KLRG1: variants seen among roughly 807,000 people sequenced by gnomAD.
The protein encoded by KLRG1 is killer cell lectin like receptor G1, also known as killer cell lectin-like receptor subfamily G member 1.
KLRG1 carries 16 observed loss-of-function variants against 21.8 expected under a neutral mutation model. That is an observed-to-expected ratio of 0.73 (90% CI 0.50 to 1.11). The LOEUF is 1.11. KLRG1 is among the 50% of genes most tolerant of loss of function. The probability of loss-of-function intolerance (pLI) is 0.00; values close to 1 mark genes in which losing one functional copy is unlikely to be tolerated. For synonymous variants in KLRG1, 69 were observed against 75.9 expected, an observed-to-expected ratio of 0.91 and a Z score of 0.47; for missense variants, 173 against 218.3, an observed-to-expected ratio of 0.79 and a Z score of 1.31.
chr12:9,160,458 G>A, the KLRG1 span: 103 of 1,613,702 alleles, frequency 6.4e-5, no homozygotes, highest in African/African-American at 1.3e-3. Flanking sequence ...AGGAGATTTT[G>A]TATATTTTGC....
chr12:9,006,018 A>G (rs747693648), intron 3 of KLRG1, among the ~76,000 whole-genome samples: 24 of 152,352 alleles, frequency 1.6e-4, no homozygotes, highest in African/African-American at 3.1e-4. Flanking sequence ...CCCTTGTTCT[A>G]TAGCACTGCA....
rs762355749 is a variant in KLRG1 at position 8,980,430 on chromosome 12, T to G, written c.-155-11776T>G. On this transcript the variant is annotated intron_variant, in intron 1 of 4. Transcript: ENST00000539240. The stretch of plus-strand genomic sequence containing the variant: ...GTTTGGTTACTGGAAATCTATTGCG[T>G]TTTTTGGTGATGTCATATTTTCTTA... 3.9e-5 allele frequency among the ~76,000 whole-genome samples: 6 copies of G among 152,216 alleles called. No homozygotes were observed. In the South Asian group the frequency reaches 1.2e-3, roughly 32 times the overall value.
intron 1 of KLRG1, among the ~76,000 whole-genome samples, chr12:8,972,914 G>A (rs1946594324): frequency 6.6e-6 from 1 of 152,068 alleles, no homozygotes; most frequent in Non-Finnish European, 1.5e-5. Context: ...GCCCAGGTGG[G>A]TGGATCACCT....
chr12:9,019,304 T>C, the KLRG1 span, among the ~76,000 whole-genome samples: 228 of 152,316 alleles, frequency 1.5e-3, no homozygotes, highest in African/African-American at 5.1e-3. Context: ...AAGGGAACCC[T>C]CATACACTGT....
the KLRG1 span, among the ~76,000 whole-genome samples, chr12:9,211,821 G>C: frequency 2.6e-5 from 4 of 152,200 alleles, no homozygotes; most frequent in African/African-American, 9.7e-5. Flanking sequence ...GTCAACTGGA[G>C]GTAGAGCCAG....
the KLRG1 span, among the ~76,000 whole-genome samples, chr12:9,042,808 A>G: frequency 2.5e-3 from 384 of 152,324 alleles, 3 homozygotes; most frequent in African/African-American, 8.9e-3. Context: ...ACCAGCAAAT[A>G]TGGGCAATGT....
chr12:9,092,027 C>T, the KLRG1 span, among the ~76,000 whole-genome samples: 1 of 152,196 alleles, frequency 6.6e-6, no homozygotes, highest in Non-Finnish European at 1.5e-5. Flanking sequence ...TAGCTAACAG[C>T]TCCCAGTTTC....
the KLRG1 span, among the ~76,000 whole-genome samples, chr12:9,186,234 C>T: frequency 6.6e-6 from 1 of 152,234 alleles, no homozygotes; most frequent in Non-Finnish European, 1.5e-5. Flanking sequence ...CCACCAGATC[C>T]AACTTGCAAG....
the KLRG1 span, among the ~76,000 whole-genome samples, chr12:9,061,914 AC>A: frequency 2.1e-4 from 32 of 152,002 alleles, no homozygotes; most frequent in Non-Finnish European, 3.8e-4. Context: ...ACGGAAACCA[AC>A]CCCCCAAAAT....
At chr12:9,197,687 AAT>A in the KLRG1 span, among the ~76,000 whole-genome samples, 5 of 93,070 alleles carry the variant, frequency 5.4e-5, no homozygotes, top group African/African-American at 1.3e-4. Flanking sequence ...TACAATACAT[AAT>A]ATATATAATT....
chr12:9,178,093 G>C, the KLRG1 span, among the ~76,000 whole-genome samples: 1 of 152,164 alleles, frequency 6.6e-6, no homozygotes, highest in South Asian at 2.1e-4. Context: ...TACAAATCAA[G>C]ATCAAGAAAA....
the KLRG1 span, among the ~76,000 whole-genome samples, chr12:9,210,090 T>G: frequency 6.6e-6 from 1 of 152,180 alleles, no homozygotes; most frequent in Non-Finnish European, 1.5e-5. Context: ...GATTGGGTTA[T>G]AGGCTATATA....
chr12:9,087,138 GAA>G, the KLRG1 span, among the ~76,000 whole-genome samples: 1 of 151,592 alleles, frequency 6.6e-6, no homozygotes, highest in African/African-American at 2.4e-5. Context: ...ACAAATAAAT[GAA>G]AAAAAATACA....
the KLRG1 span, among the ~76,000 whole-genome samples, chr12:9,053,152 G>T: frequency 4.2e-3 from 637 of 152,166 alleles, 6 homozygotes; most frequent in African/African-American, 0.015. Context: ...AGGTTCGTTG[G>T]CACATCTAAA....
At chr12:9,088,454 G>A in the KLRG1 span, among the ~76,000 whole-genome samples, 1 of 152,068 alleles carries the variant, frequency 6.6e-6, no homozygotes, top group African/African-American at 2.4e-5. Context: ...CTTAAATGTA[G>A]AAATAAGGCT....
chr12:9,161,063 C>T, the KLRG1 span: 15 of 1,603,558 alleles, frequency 9.4e-6, no homozygotes, highest in Non-Finnish European at 1.3e-5. Flanking sequence ...CTGGCAGATT[C>T]TTTGACCACA....
At chr12:9,090,363 C>T in the KLRG1 span, 8 of 1,613,882 alleles carry the variant, frequency 5.0e-6, no homozygotes, top group Non-Finnish European at 6.8e-6. Flanking sequence ...CACCTAATGA[C>T]TTTGGGGTTA....
the KLRG1 span, among the ~76,000 whole-genome samples, chr12:9,021,727 G>A: frequency 2.6e-5 from 4 of 151,752 alleles, no homozygotes; most frequent in South Asian, 8.3e-4. Flanking sequence ...CAAGACATAA[G>A]CATGCACATT....
chr12:9,090,553 A>G, the KLRG1 span: 13 of 1,522,032 alleles, frequency 8.5e-6, no homozygotes, highest in East Asian at 3.0e-4. Context: ...GAAGTAAAGC[A>G]TCTTGAGGAA....
Sources: allele counts gnomAD v4.1 joint callset (sites outside exome capture counted in the v4.1 genomes callset), GRCh38; gene constraint gnomAD v4.1.1; transcripts MANE v1.5; gene names NCBI Gene and HGNC (gene_info 2026-07-23, HGNC 2026-07-21).